The following CNTNAP4 variants were observed in gnomAD, a reference collection of about 807,000 sequenced individuals.
CNTNAP4 encodes the protein contactin associated protein family member 4.
A neutral mutation model predicts 148.4 loss-of-function variants in CNTNAP4; 98 were observed. The observed-to-expected ratio is 0.66, with a 90% CI of 0.56 to 0.78. CNTNAP4 has a LOEUF of 0.78. Ranked by LOEUF, CNTNAP4 falls within the 30% of genes least tolerant of loss-of-function variation. CNTNAP4 has a pLI of 0.00. For synonymous variants in CNTNAP4, 730 were observed against 565.1 expected (o/e 1.29, Z -4.14); for missense variants, 1,935 against 1,565.6 (o/e 1.24, Z -3.98).
intron 3 of CNTNAP4, among the ~76,000 whole-genome samples, chr16:76,359,936 CA>C (rs2013199090): frequency 6.6e-6 from 1 of 152,158 alleles, no homozygotes; most frequent in Non-Finnish European, 1.5e-5. Flanking sequence ...AGGAACTTTA[CA>C]GGCAAATTCT....
intron 1 of CNTNAP4, among the ~76,000 whole-genome samples, chr16:76,307,609 A>G (rs1428758): frequency 0.3 from 44,817 of 148,648 alleles, 7,678 homozygotes; most frequent in Non-Finnish European, 0.39. Flanking sequence ...ATTAGGTGAC[A>G]TGGCGTCACA....
In CNTNAP4 at chr16:76,538,154, T is replaced by C; in HGVS notation, c.3034T>C (p.Tyr1012His). Reference protein sequence around the residue: ...AYFGSGSSVIYNFQENYLLSK... With the variant: ...AYFGSGSSVIHNFQENYLLSK... ...TTTTGGATCTGGCTCATCCGTGATA[T>C]ACAATTTTCAAGAAAATTATCTTTT... Residue 1012 changes from tyrosine to histidine, a missense_variant, in exon 19 of 24, where the codon TAC becomes CAC. By Grantham distance (83) the Tyr-to-His change is moderately conservative (BLOSUM62 2). Coordinates refer to ENST00000611870, the MANE Select transcript of CNTNAP4 (RefSeq NM_033401.5). The C allele has an allele frequency of 3.8e-6, 6 of 1,589,326 alleles. No individual in the cohort carries two copies. Among genetic ancestry groups the C allele is most frequent in the Admixed American group, 1.8e-5 (1 of 54,898 alleles).
intron 2 of CNTNAP4, among the ~76,000 whole-genome samples, chr16:76,342,585 G>T (rs1964566939): frequency 6.9e-6 from 1 of 144,908 alleles, no homozygotes; most frequent in Non-Finnish European, 1.5e-5. Context: ...CCATTCTCCT[G>T]TGTCAGCCTC....
chr16:76,309,767 G>C (rs1323781969), intron 1 of CNTNAP4: 6 of 685,784 alleles, frequency 8.7e-6, no homozygotes, highest in South Asian at 7.6e-5. Context: ...GGGGTGGTCC[G>C]GGCTTTCCCG....
chr16:76,434,876 G>A (rs938524054), intron 4 of CNTNAP4, among the ~76,000 whole-genome samples: 1 of 152,154 alleles, frequency 6.6e-6, no homozygotes, highest in Admixed American at 6.6e-5. Context: ...AGTCACACTT[G>A]AGCTAGAACT....
intron 3 of CNTNAP4, among the ~76,000 whole-genome samples, chr16:76,381,783 G>A (rs747204081): frequency 6.6e-6 from 1 of 152,060 alleles, no homozygotes; most frequent in African/African-American, 2.4e-5. Context: ...GTTACCTGCC[G>A]GGTGCGGTGG....
At chr16:76,346,134 T>A (rs1964881067) in intron 2 of CNTNAP4, among the ~76,000 whole-genome samples, 1 of 152,140 alleles carries the variant, frequency 6.6e-6, no homozygotes, top group Admixed American at 6.6e-5. Flanking sequence ...ATTCAACAAA[T>A]ACTTAAGCCC....
intron 3 of CNTNAP4, among the ~76,000 whole-genome samples, chr16:76,356,790 T>G (rs2144511043): frequency 6.6e-6 from 1 of 152,264 alleles, no homozygotes; most frequent in African/African-American, 2.4e-5. Flanking sequence ...TTTTTGAAAC[T>G]TCATAGAACT....
rs373234155 is a variant in CNTNAP4, at chr16:76,494,987, C to A, written c.2158C>A (p.Gln720Lys). The A allele has an allele frequency of 1.8e-5, 29 of 1,613,412 alleles. No individual in the cohort carries two copies. In the African/African-American group the frequency reaches 2.8e-4, roughly 16 times the overall value. The change falls in exon 14 of 24, where the codon CAA (glutamine) becomes AAA (lysine). Residue 720 changes from glutamine (Q) to lysine (K), a missense_variant. Gln to Lys is a moderately conservative substitution (Grantham distance 53, BLOSUM62 1). Coordinates refer to ENST00000611870, the MANE Select transcript of CNTNAP4 (RefSeq NM_033401.5). ...CTGGGGAGGTTCTTCGCCTGATCTTCAAAAATGTACTTGTGGATTAGAGGG... is the reference window on the plus strand; with the variant it reads ...CTGGGGAGGTTCTTCGCCTGATCTTAAAAAATGTACTTGTGGATTAGAGGG... ...TYWGGSSPDL[Q>K]KCTCGLEGNC...
intron 3 of CNTNAP4, among the ~76,000 whole-genome samples, chr16:76,374,408 T>TA (rs1156608488): frequency 6.6e-6 from 1 of 152,142 alleles, no homozygotes; most frequent in Non-Finnish European, 1.5e-5. Context: ...TGAAATAATG[T>TA]AAAAAAATTA....
At chr16:76,395,812 T>C (rs1370254546) in intron 3 of CNTNAP4, among the ~76,000 whole-genome samples, 2 of 151,850 alleles carry the variant, frequency 1.3e-5, no homozygotes, top group Non-Finnish European at 2.9e-5. Context: ...CACTGTAACT[T>C]CCACTTCCCG....
intron 3 of CNTNAP4, among the ~76,000 whole-genome samples, chr16:76,407,370 G>C (rs2078631480): frequency 6.6e-6 from 1 of 151,936 alleles, no homozygotes; most frequent in South Asian, 2.1e-4. Flanking sequence ...TATTGATACT[G>C]ATTCCTCCAA....
intron 1 of CNTNAP4, among the ~76,000 whole-genome samples, chr16:76,301,667 C>T (rs1005252896): frequency 1.3e-5 from 2 of 152,122 alleles, no homozygotes; most frequent in Non-Finnish European, 1.5e-5. Context: ...CGGGGTAAAT[C>T]AGTCACTGTG....
At chr16:76,555,781 T>C (rs1237864024) in intron 23 of CNTNAP4, among the ~76,000 whole-genome samples, 7 of 152,206 alleles carry the variant, frequency 4.6e-5, no homozygotes, top group Non-Finnish European at 1.0e-4. Context: ...TAGCTCAAAT[T>C]CACAGGACAG....
At chr16:76,468,563 C>G (rs80302490) in intron 10 of CNTNAP4, among the ~76,000 whole-genome samples, 19,208 of 152,148 alleles carry the variant, frequency 0.13, 1,425 homozygotes, top group South Asian at 0.2. Context: ...TCGTAGCTCA[C>G]TGCACCCTCC....
intron 2 of CNTNAP4, among the ~76,000 whole-genome samples, chr16:76,317,024 A>T (rs1961831282): frequency 6.6e-6 from 1 of 151,950 alleles, no homozygotes; most frequent in South Asian, 2.1e-4. Flanking sequence ...CCAACACTTT[A>T]GGAGGCTGAG....
At chr16:76,525,179 A>G (rs1297499300) in intron 17 of CNTNAP4, among the ~76,000 whole-genome samples, 3 of 152,114 alleles carry the variant, frequency 2.0e-5, no homozygotes, top group Non-Finnish European at 2.9e-5. Flanking sequence ...AGAATTTAAG[A>G]AAAATTGTAA....
intron 14 of CNTNAP4, among the ~76,000 whole-genome samples, chr16:76,496,184 ACT>A (rs894418160): frequency 4.6e-5 from 7 of 150,812 alleles, no homozygotes; most frequent in African/African-American, 1.5e-4. Flanking sequence ...TCTTACTTAA[ACT>A]CTCATTTTTC....
chr16:76,413,508 C>A (rs76380365), intron 3 of CNTNAP4, among the ~76,000 whole-genome samples: 4,562 of 151,082 alleles, frequency 0.03, 235 homozygotes, highest in African/African-American at 0.11. Flanking sequence ...GTTTGAAGAA[C>A]CTGCCAATAA....
Sources: allele counts gnomAD v4.1 joint callset (sites outside exome capture counted in the v4.1 genomes callset), GRCh38; gene constraint gnomAD v4.1.1; transcripts MANE v1.5; gene names NCBI Gene and HGNC (gene_info 2026-07-23, HGNC 2026-07-21).